EWSR1: variants seen among roughly 807,000 people sequenced by gnomAD.
EWSR1 encodes RNA-binding protein EWS.
In EWSR1, 14 loss-of-function variants were observed where a neutral mutation model predicts 92.1. The observed-to-expected ratio is 0.15, with a 90% CI of 0.10 to 0.24. The LOEUF (loss-of-function observed/expected upper bound fraction) is 0.24, where lower values mean the gene tolerates loss of function less well. Among genes scored for constraint, EWSR1 ranks in the 10% least tolerant of loss-of-function variants. The pLI is 1.00. For missense variants in EWSR1, 637 were observed against 870.9 expected, an observed-to-expected ratio of 0.73 and a Z score of 3.38; for synonymous variants, 303 against 292.9, an observed-to-expected ratio of 1.03 and a Z score of -0.35.
In EWSR1 at chr22:29,299,346, C is replaced by CA. The variant is rs759825416; in HGVS notation, c.1678+16dup. On this transcript the variant is annotated intron_variant, in intron 15 of 16. Transcript: ENST00000397938. ...TCCGCCCCCGGGTAGGTGCAGGTTTCATGAGTGTCCCCTCAGCTTCCTGGT... is the reference window on the plus strand; with the variant it reads ...TCCGCCCCCGGGTAGGTGCAGGTTTCAATGAGTGTCCCCTCAGCTTCCTGGT... 1.2e-6 allele frequency: 2 copies of CA among 1,608,760 alleles called. No individual in the cohort carries two copies. Among genetic ancestry groups the CA allele is most frequent in the Non-Finnish European group, 1.7e-6 (2 of 1,175,800 alleles).
chr22:29,274,046 A>G (rs1192100840), intron 4 of EWSR1, among the ~76,000 whole-genome samples, 182 bp downstream of exon 4: 2 of 152,226 alleles, frequency 1.3e-5, no homozygotes, highest in Non-Finnish European at 1.5e-5. Flanking sequence ...AGAGATCTCC[A>G]ATAGAATGTG....
chr22:29,300,224 TA>T lies in EWSR1; in HGVS notation c.*66del. On this transcript the variant is annotated 3_prime_UTR_variant, in exon 17 of 17. Coordinates refer to ENST00000397938, the MANE Select transcript of EWSR1 (RefSeq NM_005243.4). ...TTATTTTTTAAACCAGAAAATGTTTTAAATTTATAATTCCATATTTATAATG... is the reference window on the plus strand; with the variant it reads ...TTATTTTTTAAACCAGAAAATGTTTTAATTTATAATTCCATATTTATAATG... 2 of 1,449,754 alleles carry T rather than the reference TA, an allele frequency of 1.4e-6. No homozygotes were observed. Among genetic ancestry groups the T allele is most frequent in the Non-Finnish European group, 1.9e-6 (2 of 1,037,196 alleles). The allele number at this position is 1,449,754 out of a possible 1,614,324, so 89.8% of individuals were successfully genotyped here. A position where few individuals can be genotyped will look rare whatever the true frequency, so the allele number is the denominator to read the frequency against.
intron 4 of EWSR1, chr22:29,276,907 C>G (rs1472289310): frequency 4.3e-6 from 1 of 231,606 alleles, no homozygotes; most frequent in Non-Finnish European, 8.5e-6. Flanking sequence ...CCACCTCAGC[C>G]TCCCAAAGTG....
At chr22:29,274,970 C>A (rs2058988801) in intron 4 of EWSR1, among the ~76,000 whole-genome samples, 1 of 152,132 alleles carries the variant, frequency 6.6e-6, no homozygotes, top group Non-Finnish European at 1.5e-5. Flanking sequence ...GTCTTTAGTT[C>A]TCCAAATTAT....
rs1189658281 is a variant in EWSR1, at chr22:29,273,880, G to C, written c.226+16G>C. The C allele has an allele frequency of 6.2e-7, 1 of 1,612,970 alleles. No homozygotes were observed. Among genetic ancestry groups the C allele is most frequent in the East Asian group, 2.2e-5 (1 of 44,864 alleles). ...CCTCCCACTGGTAAGGCCTGCCTTG[G>C]AGAGATTTTTGGGTCGTTCTGGCTA... On this transcript the variant is annotated intron_variant, in intron 4 of 16. Transcript: ENST00000397938.
In EWSR1 at chr22:29,297,920, G is replaced by A; in HGVS notation, c.1388G>A (p.Gly463Asp). The A allele has an allele frequency of 6.2e-7, 1 of 1,613,944 alleles. No individual in the cohort carries two copies. The highest frequency in any genetic ancestry group is 8.5e-7 in the Non-Finnish European group (1 of 1,179,924). The change falls in exon 13 of 17, where the codon GGC (glycine) becomes GAC (aspartate). Residue 463 changes from glycine to aspartate, a missense_variant. Transcript: ENST00000397938. ...SMRGGLPPRE[G>D]RGMPPPLRGG... ...CGGGGTGGTCTGCCACCCCGTGAGG[G>A]CAGAGGCATGCCACCACCACTCCGT... is the stretch of plus-strand genomic sequence containing the variant.
At chr22:29,286,165 C>T (rs768430768) in intron 6 of EWSR1, among the ~76,000 whole-genome samples, 1 of 150,942 alleles carries the variant, frequency 6.6e-6, no homozygotes, top group Non-Finnish European at 1.5e-5. Context: ...TTTTTGGAGA[C>T]GGAATCTTCA....
chr22:29,286,891 G>A (rs772873466), intron 6 of EWSR1, 32 bp from the exon 7 acceptor site: 2 of 1,470,224 alleles, frequency 1.4e-6, no homozygotes, highest in Non-Finnish European at 1.9e-6. Flanking sequence ...TTCTAAAAAA[G>A]CTTTTTTTTT....
At chr22:29,281,737 T>G (rs1249945922) in intron 5 of EWSR1, among the ~76,000 whole-genome samples, 1 of 152,022 alleles carries the variant, frequency 6.6e-6, no homozygotes, top group East Asian at 1.9e-4. Context: ...CCCACCACCA[T>G]GCCTGGCTAA....
In EWSR1 at chr22:29,300,156, T is replaced by TACTAGATGC. The variant is rs747507384; in HGVS notation, c.1968_*5dup. ...CCGTCAGGAGCGCAGAGATCGGCCC[T>TACTAGATGC]ACTAGATGCAGAGACCCCGCAGAGC... On this transcript the variant is annotated stop_gained and inframe_insertion, in exon 17 of 17. Transcript: ENST00000397938. LOFTEE classifies it high-confidence loss of function. The TACTAGATGC allele has an allele frequency of 1.9e-6, 3 of 1,607,038 alleles. No homozygotes were observed. Among genetic ancestry groups the TACTAGATGC allele is most frequent in the Non-Finnish European group, 2.5e-6 (3 of 1,178,880 alleles).
chr22:29,280,883 TTTTTTTTTTTTTTTTTG>T (rs2059537932), intron 5 of EWSR1, among the ~76,000 whole-genome samples: 1 of 119,722 alleles, frequency 8.4e-6, no homozygotes, highest in African/African-American at 2.9e-5. Context: ...TTTTTTTTTT[TTTTTTTTTTTTTTTTTG>T]ACAGAGTCTT....
At chr22:29,279,239 G>A (rs1194172275) in intron 5 of EWSR1, among the ~76,000 whole-genome samples, 2 of 152,146 alleles carry the variant, frequency 1.3e-5, no homozygotes, top group Admixed American at 6.5e-5. Flanking sequence ...CTGTAAATGG[G>A]TAACCGCTTT....
Position 29,284,421 on chromosome 22 carries a change from A to G in EWSR1, c.581+1864A>G, listed in dbSNP as rs561756272. On this transcript the variant is annotated intron_variant, in intron 6 of 16. Transcript: ENST00000397938. ...AGCAGATGTGAACAGGTTTAGGAAC[A>G]AGTAGAATTGATTGGGTGTCTCTCC... Among the ~76,000 whole-genome samples, 81 of 151,520 alleles carry G rather than the reference A, an allele frequency of 5.3e-4. 1 individual carries two copies. The highest frequency in any genetic ancestry group is 1.2e-3 in the South Asian group (6 of 4,832).
chr22:29,296,431 C>T lies in EWSR1; in HGVS notation c.1294+63C>T. 5.7e-6 allele frequency: 9 copies of T among 1,588,428 alleles called. No homozygotes were observed. In the South Asian group the frequency reaches 7.9e-5, roughly 14 times the overall value. On this transcript the variant is annotated intron_variant, in intron 12 of 16. Coordinates refer to ENST00000397938, the MANE Select transcript of EWSR1 (RefSeq NM_005243.4). ...TATAGAATATGGCATGAGGGAGAAA[C>T]TTGTGAACCATAGGAGCAAGAAGAC...
chr22:29,281,336 GTC>G (rs2059586535), intron 5 of EWSR1, among the ~76,000 whole-genome samples: 1 of 136,380 alleles, frequency 7.3e-6, no homozygotes, highest in South Asian at 2.6e-4. Flanking sequence ...TTGAGATGGA[GTC>G]TCTCTGTTGC....
At chr22:29,288,131 T>A (rs2060187161) in intron 7 of EWSR1, among the ~76,000 whole-genome samples, 1 of 152,230 alleles carries the variant, frequency 6.6e-6, no homozygotes, top group Non-Finnish European at 1.5e-5. Flanking sequence ...CATAATTATC[T>A]TCAGAATTTA....
At chr22:29,280,870 T>G (rs28410742) in intron 5 of EWSR1, among the ~76,000 whole-genome samples, 722 of 39,566 alleles carry the variant, frequency 0.018, 10 homozygotes, top group African/African-American at 0.059. Flanking sequence ...TTGTTTTTTT[T>G]TTTTTTTTTT....
chr22:29,298,939 AC>A (rs747636541), intron 14 of EWSR1, 44 bp downstream of exon 14: 3 of 1,502,756 alleles, frequency 2.0e-6, no homozygotes, highest in South Asian at 1.3e-5. Context: ...GAGTGAAGCC[AC>A]CCTTCCCTCA....
intron 11 of EWSR1, chr22:29,295,615 C>T (rs1158747788): frequency 8.9e-6 from 2 of 224,304 alleles, no homozygotes. Flanking sequence ...AAATAGATTG[C>T]TCTTGTGTTA....
Sources: gnomAD v4.1 joint callset for allele counts (sites outside exome capture counted in the v4.1 genomes callset) on GRCh38, gnomAD v4.1.1 for gene constraint, MANE v1.5 for transcripts, NCBI Gene and HGNC (gene_info 2026-07-23, HGNC 2026-07-21) for gene names.